The following SLC6A15 variants were observed in gnomAD, a reference collection of about 807,000 sequenced individuals.
SLC6A15 encodes the protein sodium-dependent neutral amino acid transporter B(0)AT2.
A neutral mutation model predicts 68.5 loss-of-function variants in SLC6A15; 33 were observed. The ratio of observed to expected loss-of-function variants is 0.48; its 90% CI spans 0.37 to 0.64. The LOEUF (loss-of-function observed/expected upper bound fraction) is 0.64. Ranked by LOEUF, SLC6A15 falls within the 30% of genes least tolerant of loss-of-function variation. The pLI is 0.00. For synonymous variants in SLC6A15, 347 were observed against 301.0 expected (o/e 1.15, Z -1.58); for missense variants, 747 against 874.3 (o/e 0.85, Z 1.84).
intron 9 of SLC6A15, 63 bp from the exon 10 acceptor site, chr12:84,867,256 T>C: frequency 7.8e-7 from 1 of 1,280,810 alleles, no homozygotes; most frequent in Non-Finnish European, 1.0e-6. Context: ...TTAAACTTTA[T>C]TATAAATTAT....
At chr12:84,896,347 A>C (rs1872639625) in intron 1 of SLC6A15, among the ~76,000 whole-genome samples, 1 of 152,152 alleles carries the variant, frequency 6.6e-6, no homozygotes, top group African/African-American at 2.4e-5. Flanking sequence ...CATGGACCAA[A>C]TACAACCCAC....
In SLC6A15 at chr12:84,894,000, A is replaced by G. The variant is rs113321504; in HGVS notation, c.-188-1692T>C. ...CTGATAAGAACAGATACTACACTTG[A>G]TCTTAGCAAAAAGGCCGAGAAGCGA... is the stretch of plus-strand genomic sequence containing the variant. On this transcript the variant is annotated intron_variant, in intron 1 of 11. Transcript: ENST00000266682. 9.8e-4 allele frequency among the ~76,000 whole-genome samples: 149 copies of G among 152,272 alleles called. 1 individual carries two copies. The highest frequency in any genetic ancestry group is 3.6e-3 in the African/African-American group (148 of 41,566).
At chr12:84,882,616 G>A in intron 5 of SLC6A15, 1 of 291,138 alleles carries the variant, frequency 3.4e-6, no homozygotes, top group Non-Finnish European at 5.1e-6. Context: ...TTATAGTGTT[G>A]CAGTTAAAGA....
chr12:84,886,099 A>G (rs577223040), intron 2 of SLC6A15, 31 bp from the exon 3 acceptor site: 2 of 1,461,938 alleles, frequency 1.4e-6, no homozygotes, highest in African/African-American at 1.4e-5. Context: ...AATAGATTAT[A>G]TTTTCAATAC....
At position 84,860,797 on chromosome 12, in the gene SLC6A15, A is replaced by AGTACTTTAAGTACTTAAATGC. The variant is rs1870814114; in HGVS notation, c.*814_*834dup. On this transcript the variant is annotated 3_prime_UTR_variant, in exon 12 of 12. Transcript: ENST00000266682. ...CCATCTTGCTTCAAGTTTTCAAATT[A>AGTACTTTAAGTACTTAAATGC]GTACTTTAAGTACTTAAATGCATTG... The AGTACTTTAAGTACTTAAATGC allele has an allele frequency of 1.3e-5, 2 of 152,306 alleles. No individual in the cohort carries two copies. The highest frequency in any genetic ancestry group is 2.9e-5 in the Non-Finnish European group (2 of 68,016). The allele number at this position is 152,306 out of a possible 1,614,324, so 9.4% of individuals were successfully genotyped here.
At chr12:84,911,683 T>TA (rs1284992447) in intron 1 of SLC6A15, among the ~76,000 whole-genome samples, 2 of 152,162 alleles carry the variant, frequency 1.3e-5, no homozygotes, top group Admixed American at 6.5e-5. Flanking sequence ...TGCGCTACGT[T>TA]AGAGTGCAAG....
intron 8 of SLC6A15, among the ~76,000 whole-genome samples, chr12:84,871,625 C>G (rs147060540): frequency 0.018 from 2,664 of 151,568 alleles, 83 homozygotes; most frequent in African/African-American, 0.06. Context: ...TTAAATATTT[C>G]CTTAAGGAAT....
chr12:84,882,323 T>G, intron 5 of SLC6A15: 1 of 985,220 alleles, frequency 1.0e-6, no homozygotes, highest in Non-Finnish European at 1.2e-6. Context: ...GTGGAAGACA[T>G]ACACAATTGA....
At chr12:84,905,984 T>C (rs1021393888) in intron 1 of SLC6A15, among the ~76,000 whole-genome samples, 3 of 152,204 alleles carry the variant, frequency 2.0e-5, no homozygotes, top group Admixed American at 1.3e-4. Flanking sequence ...ATTTCAAGAA[T>C]GTTATATGAA....
chr12:84,873,411 A>G (rs537936290), intron 6 of SLC6A15, 83 bp from the exon 7 acceptor site: 1 of 1,474,322 alleles, frequency 6.8e-7, no homozygotes, highest in South Asian at 1.3e-5. Flanking sequence ...CTGTTTATGG[A>G]GTATACAATG....
chr12:84,882,293 G>C, intron 5 of SLC6A15: 1 of 985,220 alleles, frequency 1.0e-6, no homozygotes, highest in South Asian at 4.7e-5. Context: ...ATAATGTGAC[G>C]GGAATGTGGC....
chr12:84,886,669 C>A (rs1193754684), intron 2 of SLC6A15, among the ~76,000 whole-genome samples: 2 of 149,288 alleles, frequency 1.3e-5, no homozygotes, highest in Non-Finnish European at 3.0e-5. Context: ...AAGAAGTACA[C>A]AAATAGATTT....
At chr12:84,873,063 G>A in intron 7 of SLC6A15, 24 bp downstream of exon 7, 1 of 1,601,550 alleles carries the variant, frequency 6.2e-7, no homozygotes, top group Non-Finnish European at 8.5e-7. Flanking sequence ...AAGAAAAAAG[G>A]CAAATGGAAA....
rs1422663720 is a variant in SLC6A15 at position 84,861,964 on chromosome 12, C to T, written c.1861G>A (p.Val621Ile). ...FLSYPTWGLVVCVSLVVFAIL... is the reference protein window; with the variant it reads ...FLSYPTWGLVICVSLVVFAIL... ...GCAAAGACAACCAGAGAGACACAAA[C>T]AACCAGTCCCCATGTTGGATAGCTC... The change falls in exon 12 of 12, where the codon GTT (valine) becomes ATT (isoleucine). Residue 621 changes from valine (V) to isoleucine (I), a missense_variant. Transcript: ENST00000266682. 1.9e-6 allele frequency: 3 copies of T among 1,612,388 alleles called. No homozygotes were observed. The highest frequency in any genetic ancestry group is 1.1e-5 in the South Asian group (1 of 90,932).
intron 11 of SLC6A15, among the ~76,000 whole-genome samples, chr12:84,862,846 C>T (rs1870909093): frequency 6.6e-6 from 1 of 152,028 alleles, no homozygotes; most frequent in Non-Finnish European, 1.5e-5. Flanking sequence ...GGCTGGAGTG[C>T]AGTGGTAATC....
intron 1 of SLC6A15, among the ~76,000 whole-genome samples, chr12:84,893,505 A>G (rs1046610107): frequency 3.0e-4 from 45 of 152,104 alleles, no homozygotes; most frequent in Admixed American, 2.9e-3. Context: ...ACATGTCTAC[A>G]GTCCAGCGAC....
chr12:84,884,243 A>G (rs1201256338), intron 4 of SLC6A15, among the ~76,000 whole-genome samples: 2 of 152,220 alleles, frequency 1.3e-5, no homozygotes, highest in Admixed American at 6.5e-5. Context: ...TTTCTTATGC[A>G]GTCCTGCAGT....
rs745458134 is a variant in SLC6A15 at position 84,883,873 on chromosome 12, G to A, written c.742C>T (p.Gln248Ter). The stretch of plus-strand genomic sequence containing the variant: ...AACATACTAACTTTTCCAGAAGACT[G>A]AATGCCTTTGATCATAGCCAAGCAA... ...MVCLAMIKGIQSSGKIIYFSS... is the reference protein window; with the variant it reads ...MVCLAMIKGI Residue 248 changes from glutamine to a stop codon, truncating the protein, a stop_gained, in exon 5 of 12, where the codon CAG becomes TAG. Transcript: ENST00000266682. LOFTEE classifies it high-confidence loss of function. 6.2e-7 allele frequency: 1 copy of A among 1,613,970 alleles called. No homozygotes were observed. Among genetic ancestry groups the A allele is most frequent in the African/African-American group, 1.3e-5 (1 of 74,916 alleles).
In SLC6A15 at chr12:84,860,987, A is replaced by G. The variant is rs1365191414; in HGVS notation, c.*645T>C. 2.0e-5 allele frequency: 3 copies of G among 152,172 alleles called. No homozygotes were observed. The highest frequency in any genetic ancestry group is 7.2e-5 in the African/African-American group (3 of 41,462). 9.4% of individuals were successfully genotyped at this position (152,172 alleles called of 1,614,324 possible). On this transcript the variant is annotated 3_prime_UTR_variant, in exon 12 of 12. Coordinates refer to ENST00000266682, the MANE Select transcript of SLC6A15 (RefSeq NM_182767.6). ...TTCACACATATATTTTACACAAAAT[A>G]TACAGCCATCACTCACATGATTCTC... is the stretch of plus-strand genomic sequence containing the variant.
Sources: allele counts gnomAD v4.1 joint callset (sites outside exome capture counted in the v4.1 genomes callset), GRCh38; gene constraint gnomAD v4.1.1; transcripts MANE v1.5; gene names NCBI Gene and HGNC (gene_info 2026-07-23, HGNC 2026-07-21).